Variants in CYRIB observed in about 807,000 individuals in gnomAD.
The protein encoded by CYRIB is CYFIP-related Rac1 interactor B.
In CYRIB, 8 loss-of-function variants were observed where a neutral mutation model predicts 44.2. That is an observed-to-expected ratio of 0.18 (90% CI 0.11 to 0.33). The LOEUF is 0.33. Ranked by LOEUF, CYRIB falls within the 10% of genes least tolerant of loss-of-function variation. CYRIB has a pLI of 1.00. For synonymous variants in CYRIB, 131 were observed against 127.2 expected, an observed-to-expected ratio of 1.03 and a Z score of -0.20; for missense variants, 185 against 382.8, an observed-to-expected ratio of 0.48 and a Z score of 4.31.
intron 5 of CYRIB, among the ~76,000 whole-genome samples, chr8:129,860,699 G>A (rs1357431223): frequency 1.5e-4 from 23 of 151,712 alleles, no homozygotes; most frequent in Admixed American, 1.2e-3. Context: ...AATACAAATG[G>A]CCAAATAGCA....
intron 1 of CYRIB, among the ~76,000 whole-genome samples, chr8:129,906,895 A>G (rs2075686234): frequency 6.6e-6 from 1 of 152,212 alleles, no homozygotes; most frequent in African/African-American, 2.4e-5. Flanking sequence ...CAAAACCACA[A>G]TGAGATACCA....
At chr8:129,902,905 A>G (rs987904642) in intron 2 of CYRIB, 5 of 152,522 alleles carry the variant, frequency 3.3e-5, no homozygotes, top group African/African-American at 1.2e-4. Flanking sequence ...AAAACCAGTA[A>G]CAGATAGAAT....
chr8:129,952,157 T>C (rs1216579384), intron 2 of CYRIB, among the ~76,000 whole-genome samples: 1 of 152,252 alleles, frequency 6.6e-6, no homozygotes, highest in African/African-American at 2.4e-5. Flanking sequence ...GCGATTCTCC[T>C]GCCTCAGCCT....
In CYRIB at chr8:129,862,897, C is replaced by T. The variant is rs985164129; in HGVS notation, c.196-563G>A. ...ACTTCAACCTTAGTTAGATACATAACTAACATAATACATTCTTAGTTATCC... is the reference window on the plus strand; with the variant it reads ...ACTTCAACCTTAGTTAGATACATAATTAACATAATACATTCTTAGTTATCC... On this transcript the variant is annotated intron_variant, in intron 4 of 11. Transcript: ENST00000519824. Among the ~76,000 whole-genome samples, 56 of 152,266 alleles carry T rather than the reference C, an allele frequency of 3.7e-4. 1 individual carries two copies. Among genetic ancestry groups the T allele is most frequent in the African/African-American group, 1.3e-3 (55 of 41,564 alleles).
At chr8:129,918,134 C>G (rs371952162) in intron 1 of CYRIB, among the ~76,000 whole-genome samples, 1 of 152,132 alleles carries the variant, frequency 6.6e-6, no homozygotes, top group Non-Finnish European at 1.5e-5. Context: ...ACTATGCATG[C>G]CACAGAGCTA....
intron 2 of CYRIB, among the ~76,000 whole-genome samples, chr8:129,887,009 T>C (rs2063040079): frequency 6.6e-6 from 1 of 152,200 alleles, no homozygotes; most frequent in Admixed American, 6.5e-5. Flanking sequence ...CCAAATTCTT[T>C]ACCAGGTTGA....
At chr8:130,011,345 A>C (rs1430127252) in intron 1 of CYRIB, among the ~76,000 whole-genome samples, 2 of 151,266 alleles carry the variant, frequency 1.3e-5, no homozygotes, top group African/African-American at 2.4e-5. Context: ...ATATGGGGAA[A>C]CCCTGTCTCT....
chr8:130,014,882 C>G (rs1467711348), intron 1 of CYRIB, among the ~76,000 whole-genome samples: 2 of 152,318 alleles, frequency 1.3e-5, no homozygotes, highest in African/African-American at 2.4e-5. Context: ...CTCTTCCGGG[C>G]TTCCCCCACA....
chr8:129,978,881 A>G (rs2096077367), intron 1 of CYRIB, among the ~76,000 whole-genome samples: 1 of 152,194 alleles, frequency 6.6e-6, no homozygotes, highest in African/African-American at 2.4e-5. Context: ...CACGTCTGTA[A>G]TCCCAGCACT....
intron 1 of CYRIB, among the ~76,000 whole-genome samples, chr8:130,015,535 C>A (rs1164924298): frequency 6.6e-6 from 1 of 152,154 alleles, no homozygotes; most frequent in East Asian, 1.9e-4. Flanking sequence ...CCCCGCAGCC[C>A]CAGCTCTATC....
At chr8:129,855,573 T>C in intron 6 of CYRIB, 38 bp downstream of exon 8, 1 of 1,610,368 alleles carries the variant, frequency 6.2e-7, no homozygotes, top group South Asian at 1.1e-5. Context: ...AAAAGATTCA[T>C]GATTTTCGTA....
chr8:129,878,098 A>G lies in CYRIB; in HGVS notation c.73+1291T>C, dbSNP rs1328577359. ...TGGTAAATTGTTGAGAAGGGTCAAG[A>G]AAACTAATATTCATCTAATATTTAA... is the stretch of plus-strand genomic sequence containing the variant. On this transcript the variant is annotated intron_variant, in intron 3 of 11. Coordinates refer to ENST00000519824, the Ensembl canonical transcript of CYRIB. Among the ~76,000 whole-genome samples the G allele has an allele frequency of 2.6e-5, 4 of 152,212 alleles. No individual in the cohort carries two copies. The East Asian group carries it at 7.7e-4, about 29-fold the overall frequency.
intron 1 of CYRIB, among the ~76,000 whole-genome samples, chr8:129,979,541 G>A (rs1208856790): frequency 3.9e-5 from 6 of 152,098 alleles, no homozygotes; most frequent in African/African-American, 1.4e-4. Flanking sequence ...CCCAGAACTC[G>A]GGCCCAAGAT....
intron 2 of CYRIB, among the ~76,000 whole-genome samples, chr8:129,950,700 T>A (rs1402900779): frequency 6.6e-6 from 1 of 152,198 alleles, no homozygotes; most frequent in Non-Finnish European, 1.5e-5. Context: ...TTACTTATTA[T>A]TATTGTTTTT....
intron 2 of CYRIB, among the ~76,000 whole-genome samples, chr8:129,893,026 T>C (rs2066152272): frequency 6.6e-6 from 1 of 152,186 alleles, no homozygotes; most frequent in South Asian, 2.1e-4. Context: ...CACTCTTGTA[T>C]GAATCAGTAA....
rs2097167663 is a variant in CYRIB, at chr8:130,009,162, A to G, written c.-296+7208T>C. Among the ~76,000 whole-genome samples the G allele has an allele frequency of 2.0e-5, 3 of 152,330 alleles. No homozygotes were observed. The South Asian group carries it at 6.2e-4, about 32-fold the overall frequency. ...CTGAATCAAAGATCTCCTTGGCTCCAAGGTCCTTGCTTCTCAACCTGCCAC... is the reference window on the plus strand; with the variant it reads ...CTGAATCAAAGATCTCCTTGGCTCCGAGGTCCTTGCTTCTCAACCTGCCAC... On this transcript the variant is annotated intron_variant, in intron 1 of 14. Transcript: ENST00000401979.
At chr8:129,897,409 C>T (rs1035252648) in intron 2 of CYRIB, among the ~76,000 whole-genome samples, 25 of 152,026 alleles carry the variant, frequency 1.6e-4, no homozygotes, top group Non-Finnish European at 3.7e-4. Context: ...AACATCTCCT[C>T]CTTGGTTTAA....
At chr8:129,881,474 C>CCCGT (rs1222631944) in intron 2 of CYRIB, among the ~76,000 whole-genome samples, 6 of 152,212 alleles carry the variant, frequency 3.9e-5, no homozygotes, top group Admixed American at 3.9e-4. Context: ...GTTAGCACTT[C>CCCGT]CCGTCACCTG....
chr8:129,849,657 C>A (rs2042201839), intron 9 of CYRIB: 1 of 241,746 alleles, frequency 4.1e-6, no homozygotes, highest in Non-Finnish European at 8.1e-6. Context: ...AACATTATGC[C>A]CCTTACTCCA....
Sources: gnomAD v4.1 joint callset for allele counts (sites outside exome capture counted in the v4.1 genomes callset) on GRCh38, gnomAD v4.1.1 for gene constraint, MANE v1.5 for transcripts, NCBI Gene and HGNC (gene_info 2026-07-23, HGNC 2026-07-21) for gene names.